Variants in ZIC2 observed in about 807,000 individuals in gnomAD.
The protein encoded by ZIC2 is Zic family zinc finger 2.
ZIC2 carries 7 observed loss-of-function variants against 29.5 expected under a neutral mutation model. The ratio of observed to expected loss-of-function variants is 0.24; its 90% CI spans 0.14 to 0.45. ZIC2 has a LOEUF of 0.45. ZIC2 is among the 20% of genes least tolerant of loss of function. ZIC2 has a pLI of 1.00. For missense variants in ZIC2, 589 were observed against 781.2 expected (o/e 0.75, Z 2.93); for synonymous variants, 408 against 354.2 (o/e 1.15, Z -1.70).
rs1382289024 is a variant in ZIC2 at position 99,986,419 on chromosome 13, GGTTTACATGT to G, written c.*739_*748del. On this transcript the variant is annotated 3_prime_UTR_variant, in exon 3 of 3. Coordinates refer to ENST00000376335, the MANE Select transcript of ZIC2 (RefSeq NM_007129.5). ...TGTGAATGTATTTTTCTGTTAGCTG[GGTTTACATGT>G]GATGTTTTAGTGCTTTTGCAAGTTC... 6.3e-6 allele frequency: 1 copy of G among 159,912 alleles called. No homozygotes were observed. The allele number at this position is 159,912 out of a possible 1,614,324, so 9.9% of individuals were successfully genotyped here.
In ZIC2 at chr13:99,983,554, G is replaced by C; in HGVS notation, c.1075+415G>C. Among the ~76,000 whole-genome samples the C allele has an allele frequency of 6.6e-6, 1 of 152,066 alleles. No homozygotes were observed. On this transcript the variant is annotated intron_variant, in intron 1 of 2. Coordinates refer to ENST00000376335, the MANE Select transcript of ZIC2 (RefSeq NM_007129.5). The surrounding 1 kb of genome is among the most constrained non-coding windows in gnomAD (Gnocchi z 4.7). ...CTCGGAGTGTATGTCTGTCTGAGTG[G>C]TTTGTGTGTTTTCCCACTTCTTTTA... is the stretch of plus-strand genomic sequence containing the variant.
In ZIC2 at chr13:99,985,272, G is replaced by A. The variant is rs1194298339; in HGVS notation, c.1240-51G>A. The A allele has an allele frequency of 1.2e-6, 2 of 1,600,988 alleles. No individual in the cohort carries two copies. The highest frequency in any genetic ancestry group is 2.7e-5 in the African/African-American group (2 of 74,798). On this transcript the variant is annotated intron_variant, in intron 2 of 2. Transcript: ENST00000376335. This position sits in a 1 kb window ranked among gnomAD's most constrained non-coding sequence, Gnocchi z 6.3. Reference sequence around the variant, plus strand: ...CCAGGGGCCCGGCCCCACAGCAGCTGCACTCACACCCAGTCCCCTCTGGTC... The same window carrying A: ...CCAGGGGCCCGGCCCCACAGCAGCTACACTCACACCCAGTCCCCTCTGGTC...
In ZIC2 at chr13:99,981,997, G is replaced by A. The variant is rs2053235426; in HGVS notation, c.-68G>A. ...CCGGTGGCCGCCGGACGCACCGCGCGGATCGGGAGCGGGAGTCGAGGCGGC... is the reference window on the plus strand; with the variant it reads ...CCGGTGGCCGCCGGACGCACCGCGCAGATCGGGAGCGGGAGTCGAGGCGGC... On this transcript the variant is annotated 5_prime_UTR_variant, in exon 1 of 3. Transcript: ENST00000376335. 7 of 1,204,690 alleles carry A rather than the reference G, an allele frequency of 5.8e-6. No individual in the cohort carries two copies. Among genetic ancestry groups the A allele is most frequent in the Non-Finnish European group, 7.2e-6 (7 of 972,084 alleles). The allele number at this position is 1,204,690 out of a possible 1,614,324, so 74.6% of individuals were successfully genotyped here. A position where few individuals can be genotyped will look rare whatever the true frequency, so the allele number is the denominator to read the frequency against.
chr13:99,981,998 G>T lies in ZIC2; in HGVS notation c.-67G>T, dbSNP rs968844524. 38 of 1,206,602 alleles carry T rather than the reference G, an allele frequency of 3.1e-5. No individual in the cohort carries two copies. The African/African-American group carries it at 5.6e-4, about 18-fold the overall frequency. The allele number at this position is 1,206,602 out of a possible 1,614,324, so 74.7% of individuals were successfully genotyped here. Reference sequence around the variant, plus strand: ...CGGTGGCCGCCGGACGCACCGCGCGGATCGGGAGCGGGAGTCGAGGCGGCG... The same window carrying T: ...CGGTGGCCGCCGGACGCACCGCGCGTATCGGGAGCGGGAGTCGAGGCGGCG... On this transcript the variant is annotated 5_prime_UTR_variant, in exon 1 of 3. Transcript: ENST00000376335.
rs1281752411 is a variant in ZIC2, at chr13:99,985,122, C to A, written c.1239+13C>A. On this transcript the variant is annotated intron_variant, in intron 2 of 2. Coordinates refer to ENST00000376335, the MANE Select transcript of ZIC2 (RefSeq NM_007129.5). The surrounding 1 kb of genome is among the most constrained non-coding windows in gnomAD (Gnocchi z 6.3). ...GAAGCACATGAAGGTACCACCGCGGCGGCCGGGAGGAGGGCGAGGCAGGCC... is the reference window on the plus strand; with the variant it reads ...GAAGCACATGAAGGTACCACCGCGGAGGCCGGGAGGAGGGCGAGGCAGGCC... 6 of 1,613,990 alleles carry A rather than the reference C, an allele frequency of 3.7e-6. No homozygotes were observed. In the South Asian group the frequency reaches 6.6e-5, roughly 18 times the overall value.
rs1279220389 is a variant in ZIC2, at chr13:99,982,931, G to A, written c.867G>A (p.Val289=). Residue 289 remains valine, a synonymous_variant, in exon 1 of 3, where the codon GTG becomes GTA. Coordinates refer to ENST00000376335, the MANE Select transcript of ZIC2 (RefSeq NM_007129.5). ...TMHELVTHVS[V]EHVGGPEQSN... ...ACGAGCTGGTGACACACGTCTCGGT[G>A]GAGCACGTCGGCGGCCCGGAGCAGA... 1 of 1,613,156 alleles carries A rather than the reference G, an allele frequency of 6.2e-7. No homozygotes were observed. The highest frequency in any genetic ancestry group is 1.7e-5 in the Admixed American group (1 of 59,970).
In ZIC2 at chr13:99,982,324, G is replaced by C; in HGVS notation, c.260G>C (p.Gly87Ala). The C allele has an allele frequency of 6.8e-7, 1 of 1,467,050 alleles. No homozygotes were observed. Among genetic ancestry groups the C allele is most frequent in the Non-Finnish European group, 9.0e-7 (1 of 1,112,148 alleles). The allele number at this position is 1,467,050 out of a possible 1,614,324, so 90.9% of individuals were successfully genotyped here. A position where few individuals can be genotyped will look rare whatever the true frequency, so the allele number is the denominator to read the frequency against. Reference protein sequence around the residue: ...FTSQGPGAYPGSAAAAAAAAA... With the variant: ...FTSQGPGAYPASAAAAAAAAA... ...TCGCAGGGCCCCGGCGCCTACCCCGGCTCCGCTGCGGCTGCCGCTGCGGCC... is the reference window on the plus strand; with the variant it reads ...TCGCAGGGCCCCGGCGCCTACCCCGCCTCCGCTGCGGCTGCCGCTGCGGCC... Residue 87 changes from glycine to alanine, a missense_variant, in exon 1 of 3, where the codon GGC (glycine) becomes GCC (alanine). Gly to Ala is a moderately conservative substitution (Grantham distance 60). Coordinates refer to ENST00000376335, the MANE Select transcript of ZIC2 (RefSeq NM_007129.5).
At position 99,985,658 on chromosome 13, in the gene ZIC2, C is replaced by T. The variant is rs1343402871; in HGVS notation, c.1575C>T (p.Ser525=). 1.9e-5 allele frequency: 25 copies of T among 1,319,072 alleles called. No individual in the cohort carries two copies. The highest frequency in any genetic ancestry group is 2.5e-5 in the Non-Finnish European group (25 of 1,012,554). 81.7% of individuals were successfully genotyped at this position (1,319,072 alleles called of 1,614,324 possible). The part of the protein sequence containing the change: ...GTAGGHSGLS[S]NFNEWYV ...CCGGGGGTCACAGCGGCCTCTCCTC[C>T]AACTTCAATGAATGGTACGTGTGAC... is the stretch of plus-strand genomic sequence containing the variant. The change falls in exon 3 of 3, where the codon TCC becomes TCT. Residue 525 remains serine (S), a synonymous_variant. Coordinates refer to ENST00000376335, the MANE Select transcript of ZIC2 (RefSeq NM_007129.5). This position sits in a 1 kb window ranked among gnomAD's most constrained non-coding sequence, Gnocchi z 6.3.
Position 99,984,980 on chromosome 13 carries a change from C to T in ZIC2, c.1110C>T (p.Cys370=), listed in dbSNP as rs200208088. ...EKPFQCEFEG[C]DRRFANSSDR... ...CGTTCCAGTGTGAGTTTGAGGGCTG[C>T]GACCGGCGCTTCGCCAACAGCAGCG... Residue 370 remains cysteine, a synonymous_variant, in exon 2 of 3, where the codon TGC becomes TGT. Transcript: ENST00000376335. 18 of 1,614,130 alleles carry T rather than the reference C, an allele frequency of 1.1e-5. No individual in the cohort carries two copies. In the East Asian group the frequency reaches 2.7e-4, roughly 24 times the overall value.
In ZIC2 at chr13:99,985,466, G is replaced by GGCT. The variant is rs942036417; in HGVS notation, c.1385_1386insTGC (p.Ala470dup). ...TGTCCCCAGCGGCGGCGGCAGCGGC[G>GGCT]GCGGCGGCTGCGGCGGCGGCGGCCG... On this transcript the variant is annotated inframe_insertion, in exon 3 of 3. Transcript: ENST00000376335. This position sits in a 1 kb window ranked among gnomAD's most constrained non-coding sequence, Gnocchi z 6.3. The GGCT allele has an allele frequency of 2.2e-6, 3 of 1,343,744 alleles. No individual in the cohort carries two copies. Among genetic ancestry groups the GGCT allele is most frequent in the Non-Finnish European group, 2.8e-6 (3 of 1,056,134 alleles). 83.2% of individuals were successfully genotyped at this position (1,343,744 alleles called of 1,614,324 possible).
chr13:99,985,878 A>G lies in ZIC2; in HGVS notation c.*196A>G, dbSNP rs2053266132. 8.6e-6 allele frequency: 2 copies of G among 232,558 alleles called. No individual in the cohort carries two copies. The highest frequency in any genetic ancestry group is 6.1e-5 in the South Asian group (1 of 16,406). The allele number at this position is 232,558 out of a possible 1,614,324, so 14.4% of individuals were successfully genotyped here. ...AATAATAATCTAGGCATGAAGAGCA[A>G]AAATATCCCTTCCGGAGTCTTTGAA... is the stretch of plus-strand genomic sequence containing the variant. On this transcript the variant is annotated 3_prime_UTR_variant, in exon 3 of 3. Transcript: ENST00000376335. The surrounding 1 kb of genome is among the most constrained non-coding windows in gnomAD (Gnocchi z 6.3).
chr13:99,985,634 CG>C lies in ZIC2; in HGVS notation c.1556del (p.Gly519ValfsTer36). 7.8e-6 allele frequency: 10 copies of C among 1,276,208 alleles called. No individual in the cohort carries two copies. The highest frequency in any genetic ancestry group is 2.1e-5 in the South Asian group (1 of 47,276). The allele number at this position is 1,276,208 out of a possible 1,614,324, so 79.1% of individuals were successfully genotyped here. A position where few individuals can be genotyped will look rare whatever the true frequency, so the allele number is the denominator to read the frequency against. ...GSSGGGSGTAGGHSGLSSNFN... is the reference protein window; with the variant it reads ...GSSGGGSGTAXGHSGLSSNFN... Reference sequence around the variant, plus strand: ...GCTCTGGCGGGGGCAGCGGGACAGCCGGGGGTCACAGCGGCCTCTCCTCCAA... The same window carrying C: ...GCTCTGGCGGGGGCAGCGGGACAGCCGGGGTCACAGCGGCCTCTCCTCCAA... On this transcript the variant is annotated frameshift_variant, in exon 3 of 3. Transcript: ENST00000376335. LOFTEE classifies it high-confidence loss of function. The surrounding 1 kb of genome is among the most constrained non-coding windows in gnomAD (Gnocchi z 6.3).
rs1230397352 is a variant in ZIC2, at chr13:99,982,324, G to A, written c.260G>A (p.Gly87Asp). 23 of 1,467,050 alleles carry A rather than the reference G, an allele frequency of 1.6e-5. No homozygotes were observed. The highest frequency in any genetic ancestry group is 1.9e-5 in the Non-Finnish European group (21 of 1,112,148). 90.9% of individuals were successfully genotyped at this position (1,467,050 alleles called of 1,614,324 possible). ...TCGCAGGGCCCCGGCGCCTACCCCG[G>A]CTCCGCTGCGGCTGCCGCTGCGGCC... ...FTSQGPGAYPGSAAAAAAAAA... is the reference protein window; with the variant it reads ...FTSQGPGAYPDSAAAAAAAAA... The change falls in exon 1 of 3, where the codon GGC (glycine) becomes GAC (aspartate). Residue 87 changes from glycine to aspartate, a missense_variant. Transcript: ENST00000376335.
chr13:99,985,620 G>T lies in ZIC2; in HGVS notation c.1537G>T (p.Gly513Cys). Residue 513 changes from glycine to cysteine, a missense_variant, in exon 3 of 3, where the codon GGC becomes TGC. Gly to Cys is a radical substitution (Grantham distance 159, BLOSUM62 -3). Around this residue, in one of 7 missense-constraint regions of ZIC2, gnomAD observed 135 missense variants for 136.7 expected, o/e 0.99. Coordinates refer to ENST00000376335, the MANE Select transcript of ZIC2 (RefSeq NM_007129.5). The surrounding 1 kb of genome is among the most constrained non-coding windows in gnomAD (Gnocchi z 6.3). ...CGGGGGCGGCGGCAGCTCTGGCGGG[G>T]GCAGCGGGACAGCCGGGGGTCACAG... ...GGGGGGSSGG[G>C]SGTAGGHSGL... 8.4e-7 allele frequency: 1 copy of T among 1,193,444 alleles called. No homozygotes were observed. Among genetic ancestry groups the T allele is most frequent in the Non-Finnish European group, 1.1e-6 (1 of 951,262 alleles). 73.9% of individuals were successfully genotyped at this position (1,193,444 alleles called of 1,614,324 possible).
rs1390357053 is a variant in ZIC2, at chr13:99,985,471, C to T, written c.1388C>T (p.Ala463Val). 1.5e-6 allele frequency: 2 copies of T among 1,303,536 alleles called. No individual in the cohort carries two copies. Among genetic ancestry groups the T allele is most frequent in the East Asian group, 6.4e-5 (2 of 31,224 alleles). The allele number at this position is 1,303,536 out of a possible 1,614,324, so 80.7% of individuals were successfully genotyped here. Residue 463 changes from alanine (A) to valine (V), a missense_variant, in exon 3 of 3, where the codon GCG becomes GTG. Around this residue, in one of 7 missense-constraint regions of ZIC2, gnomAD observed 135 missense variants for 136.7 expected, o/e 0.99. Coordinates refer to ENST00000376335, the MANE Select transcript of ZIC2 (RefSeq NM_007129.5). This position sits in a 1 kb window ranked among gnomAD's most constrained non-coding sequence, Gnocchi z 6.3. Reference sequence around the variant, plus strand: ...CCAGCGGCGGCGGCAGCGGCGGCGGCGGCTGCGGCGGCGGCGGCCGCGGTG... The same window carrying T: ...CCAGCGGCGGCGGCAGCGGCGGCGGTGGCTGCGGCGGCGGCGGCCGCGGTG... ...LSPAAAAAAA[A>V]AAAAAAAVSA... is the part of the protein sequence containing the mutation.
In ZIC2 at chr13:99,982,377, G is replaced by T; in HGVS notation, c.313G>T (p.Val105Phe). The change falls in exon 1 of 3, where the codon GTT becomes TTT. Residue 105 changes from valine to phenylalanine, a missense_variant. Val to Phe is a conservative substitution (Grantham distance 50). Around this residue, in one of 7 missense-constraint regions of ZIC2, gnomAD observed 358 missense variants for 382.0 expected, o/e 0.94. Transcript: ENST00000376335. ...AGCGCTCGGGCCCCACGCCGCGCACGTTGGCTCCTACTCTGGGCCGCCCTT... is the reference window on the plus strand; with the variant it reads ...AGCGCTCGGGCCCCACGCCGCGCACTTTGGCTCCTACTCTGGGCCGCCCTT... ...AAALGPHAAHVGSYSGPPFNS... is the reference protein window; with the variant it reads ...AAALGPHAAHFGSYSGPPFNS... 1 of 1,478,856 alleles carries T rather than the reference G, an allele frequency of 6.8e-7. No individual in the cohort carries two copies. The highest frequency in any genetic ancestry group is 9.0e-7 in the Non-Finnish European group (1 of 1,116,864). 91.6% of individuals were successfully genotyped at this position (1,478,856 alleles called of 1,614,324 possible).
At position 99,981,854 on chromosome 13, in the gene ZIC2, G is replaced by T. The variant is rs1348311425; in HGVS notation, c.-211G>T. 3 of 1,001,912 alleles carry T rather than the reference G, an allele frequency of 3.0e-6. No individual in the cohort carries two copies. The highest frequency in any genetic ancestry group is 5.2e-5 in the Admixed American group (2 of 38,104). The allele number at this position is 1,001,912 out of a possible 1,614,324, so 62.1% of individuals were successfully genotyped here. On this transcript the variant is annotated 5_prime_UTR_variant, in exon 1 of 3. Transcript: ENST00000376335. Reference sequence around the variant, plus strand: ...GCCTCCTCCTCCTCTTCCTCTCCGCGCCTTCGCTACGCGCCCGGCCGCCCG... The same window carrying T: ...GCCTCCTCCTCCTCTTCCTCTCCGCTCCTTCGCTACGCGCCCGGCCGCCCG...
At chr13:99,984,908 G>A (rs2053255875) in intron 1 of ZIC2, 38 bp from the exon 2 acceptor site, 1 of 1,613,608 alleles carries the variant, frequency 6.2e-7, no homozygotes, top group Admixed American at 1.7e-5. Flanking sequence ...TGCAGGCTCT[G>A]GGTGTCTGCA....
At chr13:99,984,825 T>G in intron 1 of ZIC2, 121 bp from the exon 2 acceptor site, 1 of 1,251,792 alleles carries the variant, frequency 8.0e-7, no homozygotes, top group Non-Finnish European at 1.1e-6. Flanking sequence ...TCGGACTGGT[T>G]TGAGGGACCC....
Sources: allele counts gnomAD v4.1 joint callset (sites outside exome capture counted in the v4.1 genomes callset), GRCh38; gene constraint gnomAD v4.1.1; regional missense constraint gnomAD v4.1.1; non-coding constraint Gnocchi (gnomAD v3.1); transcripts MANE v1.5; gene names NCBI Gene and HGNC (gene_info 2026-07-23, HGNC 2026-07-21).